PARD3B: variants seen among roughly 807,000 people sequenced by gnomAD.
PARD3B encodes partitioning defective 3 homolog B.
In PARD3B, 103 loss-of-function variants were observed where a neutral mutation model predicts 130.2. That is an observed-to-expected ratio of 0.79 (90% CI 0.67 to 0.93). The LOEUF is 0.93. Ranked by LOEUF, PARD3B falls within the 40% of genes least tolerant of loss-of-function variation. The probability of loss-of-function intolerance (pLI) is 0.00; values close to 1 mark genes in which losing one functional copy is unlikely to be tolerated. For synonymous variants in PARD3B, 583 were observed against 553.2 expected (o/e 1.05, Z -0.76); for missense variants, 1,609 against 1,499.2 (o/e 1.07, Z -1.21).
chr2:205,085,874 G>T (rs538613383), intron 4 of PARD3B, among the ~76,000 whole-genome samples: 1 of 151,976 alleles, frequency 6.6e-6, no homozygotes, highest in Admixed American at 6.5e-5. Flanking sequence ...ATGAATGACT[G>T]GGTTGCACTG....
At chr2:205,245,753 T>C (rs1372578245) in intron 15 of PARD3B, 25 bp from the exon 16 acceptor site, 1 of 1,566,660 alleles carries the variant, frequency 6.4e-7, no homozygotes, top group Non-Finnish European at 8.8e-7. Flanking sequence ...GTCTGATCCT[T>C]GTCTCTTTTA....
At position 205,571,179 on chromosome 2, in the gene PARD3B, T is replaced by C. The variant is rs2053548749; in HGVS notation, c.3260+17776T>C. On this transcript the variant is annotated intron_variant, in intron 22 of 22. Transcript: ENST00000406610. ...AAAATACTGATCAATGGCTAAAAATTTAAAGGCCGCTATATCTTTGTCTCA... is the reference window on the plus strand; with the variant it reads ...AAAATACTGATCAATGGCTAAAAATCTAAAGGCCGCTATATCTTTGTCTCA... Among the ~76,000 whole-genome samples the C allele has an allele frequency of 2.6e-5, 4 of 152,212 alleles. No individual in the cohort carries two copies. The South Asian group carries it at 8.3e-4, about 31-fold the overall frequency.
Position 205,025,496 on chromosome 2 carries a change from A to C in PARD3B, c.395-22085A>C, listed in dbSNP as rs181984352. On this transcript the variant is annotated intron_variant, in intron 3 of 22. Transcript: ENST00000406610. ...ACAGTGAGTCCCAATTAGACAAATG[A>C]ATTTTGTGTTGTTTTCTTTCTGAAG... Among the ~76,000 whole-genome samples, 14 of 152,134 alleles carry C rather than the reference A, an allele frequency of 9.2e-5. No homozygotes were observed. The East Asian group carries it at 2.7e-3, about 29-fold the overall frequency.
intron 3 of PARD3B, among the ~76,000 whole-genome samples, chr2:205,003,358 CT>C (rs914827784): frequency 1.1e-4 from 16 of 152,156 alleles, no homozygotes; most frequent in Non-Finnish European, 1.9e-4. Flanking sequence ...AGGAGATGGA[CT>C]TTTTTGGGGG....
Position 205,617,216 on chromosome 2 carries a change from C to CATACAAGCTGGCCCAAATGAGA in PARD3B, c.*1405_*1426dup, listed in dbSNP as rs2055465012. The CATACAAGCTGGCCCAAATGAGA allele has an allele frequency of 6.5e-6, 1 of 153,302 alleles. No homozygotes were observed. Among genetic ancestry groups the CATACAAGCTGGCCCAAATGAGA allele is most frequent in the East Asian group, 1.9e-4 (1 of 5,176 alleles). 9.5% of individuals were successfully genotyped at this position (153,302 alleles called of 1,614,324 possible). On this transcript the variant is annotated 3_prime_UTR_variant, in exon 23 of 23. Transcript: ENST00000406610. ...TCTATGGAAACTAAAACCTCTAAAACATACAAGCTGGCCCAAATGAGAACA... is the reference window on the plus strand; with the variant it reads ...TCTATGGAAACTAAAACCTCTAAAACATACAAGCTGGCCCAAATGAGAATACAAGCTGGCCCAAATGAGAACA...
chr2:204,843,337 G>T (rs570795179), intron 2 of PARD3B, among the ~76,000 whole-genome samples: 14 of 152,150 alleles, frequency 9.2e-5, no homozygotes, highest in Non-Finnish European at 1.8e-4. Flanking sequence ...TATCTATGCT[G>T]CATAATCATC....
At chr2:204,924,469 T>C (rs1246905142) in intron 2 of PARD3B, among the ~76,000 whole-genome samples, 1 of 152,074 alleles carries the variant, frequency 6.6e-6, no homozygotes, top group Non-Finnish European at 1.5e-5. Flanking sequence ...GTTACAAGCA[T>C]ATGTACAGCA....
intron 2 of PARD3B, among the ~76,000 whole-genome samples, chr2:204,820,692 A>G (rs2043317684): frequency 1.3e-5 from 2 of 151,816 alleles, no homozygotes; most frequent in Admixed American, 6.6e-5. Context: ...GTGGGTGCCT[A>G]TAATCCAAGC....
chr2:204,636,453 A>AGTGTGT (rs10596741), intron 1 of PARD3B, among the ~76,000 whole-genome samples: 1,551 of 139,470 alleles, frequency 0.011, 31 homozygotes, highest in East Asian at 0.091. Flanking sequence ...AGGTCAGGTG[A>AGTGTGT]GTGTGTGTGT....
intron 18 of PARD3B, among the ~76,000 whole-genome samples, chr2:205,360,948 C>T (rs951028122): frequency 1.3e-5 from 2 of 151,930 alleles, no homozygotes. Context: ...CATGATAGTT[C>T]TCCCTTTCTA....
intron 3 of PARD3B, among the ~76,000 whole-genome samples, chr2:205,012,947 C>T (rs1211394856): frequency 1.3e-5 from 2 of 152,164 alleles, no homozygotes; most frequent in African/African-American, 4.8e-5. Context: ...ATTTCTAAAA[C>T]GAGTAACCTT....
chr2:205,500,023 C>T lies in PARD3B; in HGVS notation c.3172C>T (p.Leu1058=), dbSNP rs762368825. The change falls in exon 21 of 23, where the codon CTA becomes TTA. Residue 1058 remains leucine (L), a synonymous_variant. Transcript: ENST00000406610. ...AAGAGCAAGGCCATCTGAGTATGACCTACTCTGGGTAAGCGCATGCATGAT... is the reference window on the plus strand; with the variant it reads ...AAGAGCAAGGCCATCTGAGTATGACTTACTCTGGGTAAGCGCATGCATGAT... ...EGRARPSEYD[L]LWVPGRGPDG... 12 of 1,613,428 alleles carry T rather than the reference C, an allele frequency of 7.4e-6. No homozygotes were observed. The South Asian group carries it at 1.2e-4, about 16-fold the overall frequency.
chr2:205,194,145 C>T (rs2036545111), intron 15 of PARD3B, among the ~76,000 whole-genome samples: 2 of 152,120 alleles, frequency 1.3e-5, no homozygotes, highest in Non-Finnish European at 1.5e-5. Context: ...CCAAGCTTTG[C>T]AATTGTTTTT....
chr2:205,428,509 T>C lies in PARD3B; in HGVS notation c.2742-11861T>C, dbSNP rs2047221470. ...TCACCAGAACCCAACCATGCTGGCA[T>C]CCTGTTATCAGACTTCCCAGCCTCC... On this transcript the variant is annotated intron_variant, in intron 19 of 22. Coordinates refer to ENST00000406610, the MANE Select transcript of PARD3B (RefSeq NM_001302769.2). Among the ~76,000 whole-genome samples the C allele has an allele frequency of 2.0e-5, 3 of 152,216 alleles. 1 individual carries two copies. In the South Asian group the frequency reaches 6.2e-4, roughly 32 times the overall value.
chr2:204,713,647 G>A (rs965207881), intron 2 of PARD3B, among the ~76,000 whole-genome samples: 5 of 151,908 alleles, frequency 3.3e-5, no homozygotes, highest in African/African-American at 1.2e-4. Context: ...CATATAAGTG[G>A]AATTATATGA....
intron 21 of PARD3B, among the ~76,000 whole-genome samples, chr2:205,510,815 T>TA (rs1370813611): frequency 6.6e-6 from 1 of 152,222 alleles, no homozygotes; most frequent in Admixed American, 6.5e-5. Flanking sequence ...AGATCGTTAA[T>TA]AAAAATGGCA....
chr2:204,553,651 C>CATATATATAT (rs55744172), intron 1 of PARD3B, among the ~76,000 whole-genome samples: 22 of 83,426 alleles, frequency 2.6e-4, no homozygotes, highest in South Asian at 7.6e-4. Flanking sequence ...TATATATATC[C>CATATATATAT]ATATATATAT....
At chr2:204,671,092 C>T (rs1278011718) in intron 1 of PARD3B, among the ~76,000 whole-genome samples, 1 of 152,136 alleles carries the variant, frequency 6.6e-6, no homozygotes, top group Non-Finnish European at 1.5e-5. Context: ...GTTGGGTCCT[C>T]TGTTCCCTGG....
intron 1 of PARD3B, among the ~76,000 whole-genome samples, chr2:204,600,892 G>A (rs978764053): frequency 3.3e-5 from 5 of 151,704 alleles, no homozygotes; most frequent in Non-Finnish European, 7.4e-5. Context: ...GAGCTAGATA[G>A]TTGAATCTTT....
Sources: gnomAD v4.1 joint callset for allele counts (sites outside exome capture counted in the v4.1 genomes callset) on GRCh38, gnomAD v4.1.1 for gene constraint, MANE v1.5 for transcripts, NCBI Gene and HGNC (gene_info 2026-07-23, HGNC 2026-07-21) for gene names.